The following IDH2 variants were observed in gnomAD, a reference collection of about 807,000 sequenced individuals.
The protein encoded by IDH2 is isocitrate dehydrogenase (NADP(+)) 2.
In IDH2, 18 loss-of-function variants were observed where a neutral mutation model predicts 50.5. That is an observed-to-expected ratio of 0.36 (90% CI 0.25 to 0.53). The LOEUF is 0.53. Ranked by LOEUF, IDH2 falls within the 20% of genes least tolerant of loss-of-function variation. The probability of loss-of-function intolerance (pLI) is 0.92; values close to 1 mark genes in which losing one functional copy is unlikely to be tolerated. For synonymous variants in IDH2, 280 were observed against 239.8 expected (o/e 1.17, Z -1.55); for missense variants, 518 against 610.7 (o/e 0.85, Z 1.60).
rs1040514070 is a variant in IDH2 at position 90,100,633 on chromosome 15, C to T, written c.115+1643G>A. On this transcript the variant is annotated intron_variant, in intron 1 of 10. Transcript: ENST00000330062. The surrounding 1 kb of genome is among the most constrained non-coding windows in gnomAD (Gnocchi z 4.1). Reference sequence around the variant, plus strand: ...TGGCGTTGCAAAATAGGAAAAGATGCGTGCAGGAATTACCAGGCAGCAAAG... The same window carrying T: ...TGGCGTTGCAAAATAGGAAAAGATGTGTGCAGGAATTACCAGGCAGCAAAG... 1.7e-5 allele frequency: 17 copies of T among 985,274 alleles called. No individual in the cohort carries two copies. The highest frequency in any genetic ancestry group is 1.8e-5 in the Non-Finnish European group (15 of 829,906). 61.0% of individuals were successfully genotyped at this position (985,274 alleles called of 1,614,324 possible).
In IDH2 at chr15:90,084,894, A is replaced by G. The variant is rs1900816377; in HGVS notation, c.1193T>C (p.Leu398Pro). The change falls in exon 10 of 11, where the codon CTG becomes CCG. Residue 398 changes from leucine to proline, a missense_variant. Leu to Pro is a moderately conservative substitution (Grantham distance 98). Coordinates refer to ENST00000330062, the MANE Select transcript of IDH2 (RefSeq NM_002168.4). This position sits in a 1 kb window ranked among gnomAD's most constrained non-coding sequence, Gnocchi z 5.0. The stretch of plus-strand genomic sequence containing the variant: ...CACCGTCTCCACGCACACCTTCTCC[A>G]GCATCTGGGCAAACCTATGGGGATG... ...NQDLIRFAQM[L>P]EKVCVETVES... 6.2e-7 allele frequency: 1 copy of G among 1,613,882 alleles called. No individual in the cohort carries two copies. The highest frequency in any genetic ancestry group is 1.3e-5 in the African/African-American group (1 of 74,866).
In IDH2 at chr15:90,085,021, A is replaced by G. The variant is rs1178803296; in HGVS notation, c.1158T>C (p.Asp386=). The G allele has an allele frequency of 6.2e-7, 1 of 1,613,972 alleles. No individual in the cohort carries two copies. Among genetic ancestry groups the G allele is most frequent in the African/African-American group, 1.3e-5 (1 of 75,000 alleles). The change falls in exon 9 of 11, where the codon GAT becomes GAC. Residue 386 remains aspartate, a synonymous_variant. Coordinates refer to ENST00000330062, the MANE Select transcript of IDH2 (RefSeq NM_002168.4). This position sits in a 1 kb window ranked among gnomAD's most constrained non-coding sequence, Gnocchi z 5.5. ...CTCACCTGATGAGGTCTTGGTTCCC[A>G]TCCAGCTTCCCCCGGTGCTCCAGGC... ...TRGLEHRGKL[D]GNQDLIRFAQ...
At chr15:90,090,340 G>C in intron 3 of IDH2, 139 bp downstream of exon 3, 1 of 904,742 alleles carries the variant, frequency 1.1e-6, no homozygotes, top group African/African-American at 1.6e-5. Context: ...TTGGCCTCAG[G>C]AAAGCCCCAG....
rs2151549281 is a variant in IDH2, at chr15:90,088,471, G to A, written c.566C>T (p.Ala189Val). 6.2e-7 allele frequency: 1 copy of A among 1,614,192 alleles called. No homozygotes were observed. Among genetic ancestry groups the A allele is most frequent in the South Asian group, 1.1e-5 (1 of 91,082 alleles). ...YKATDFVADR[A>V]GTFKMVFTPK... Reference sequence around the variant, plus strand: ...GGTGAAGACCATTTTGAAAGTGCCGGCCCGGTCTGCCACAAAGTCTGTGGC... The same window carrying A: ...GGTGAAGACCATTTTGAAAGTGCCGACCCGGTCTGCCACAAAGTCTGTGGC... The change falls in exon 5 of 11, where the codon GCC becomes GTC. Residue 189 changes from alanine (A) to valine (V), a missense_variant. Ala to Val is a moderately conservative substitution (Grantham distance 64). Transcript: ENST00000330062.
Position 90,102,463 on chromosome 15 carries a change from C to A in IDH2, c.-73G>T, listed in dbSNP as rs938161757. The A allele has an allele frequency of 6.5e-5, 56 of 856,856 alleles. No individual in the cohort carries two copies. Among genetic ancestry groups the A allele is most frequent in the Non-Finnish European group, 7.8e-5 (51 of 657,704 alleles). The allele number at this position is 856,856 out of a possible 1,614,324, so 53.1% of individuals were successfully genotyped here. On this transcript the variant is annotated 5_prime_UTR_variant, in exon 1 of 11. Coordinates refer to ENST00000330062, the MANE Select transcript of IDH2 (RefSeq NM_002168.4). ...GCCGCTCCTCCCGGCTGCCTGGCCGCGGGCTAACGCTGGGCCTGGCGGGCG... is the reference window on the plus strand; with the variant it reads ...GCCGCTCCTCCCGGCTGCCTGGCCGAGGGCTAACGCTGGGCCTGGCGGGCG...
chr15:90,093,792 G>C (rs1901111409), intron 1 of IDH2, among the ~76,000 whole-genome samples: 1 of 152,014 alleles, frequency 6.6e-6, no homozygotes, highest in African/African-American at 2.4e-5. Context: ...GCTAATTTTT[G>C]TATTTTTAGT....
At chr15:90,090,451 T>C (rs763923400) in intron 3 of IDH2, 28 bp downstream of exon 3, 1 of 1,610,648 alleles carries the variant, frequency 6.2e-7, no homozygotes, top group Non-Finnish European at 8.5e-7. Context: ...TGACCCTCCC[T>C]GGCCCGCCCA....
chr15:90,091,648 G>GA lies in IDH2; in HGVS notation c.116-5dup. 2 of 1,613,636 alleles carry GA rather than the reference G, an allele frequency of 1.2e-6. No homozygotes were observed. The highest frequency in any genetic ancestry group is 1.7e-5 in the Admixed American group (1 of 60,030). ...ACCTTGATCCTTTTGTCGGCATCTA[G>GA]AAGCAGGGACACACAGCGCATCATG... On this transcript the variant is annotated splice_polypyrimidine_tract_variant and splice_region_variant and intron_variant, in intron 1 of 10. Transcript: ENST00000330062.
chr15:90,087,033 C>A (rs562586040), intron 7 of IDH2, 79 bp downstream of exon 7: 17 of 1,522,848 alleles, frequency 1.1e-5, no homozygotes, highest in Middle Eastern at 4.1e-4. Context: ...GAGTTTTCTA[C>A]CAAAAGGGTC....
intron 3 of IDH2, among the ~76,000 whole-genome samples, chr15:90,088,964 G>A (rs367978424): frequency 6.8e-6 from 1 of 146,766 alleles, no homozygotes; most frequent in East Asian, 2.0e-4. Context: ...GCCCAGGCTG[G>A]AGTGCAATGG....
At chr15:90,086,893 T>C (rs1432345912) in intron 7 of IDH2, among the ~76,000 whole-genome samples, 1 of 152,160 alleles carries the variant, frequency 6.6e-6, no homozygotes, top group Non-Finnish European at 1.5e-5. Flanking sequence ...TGTGCCCTCC[T>C]TTCTCTCTAA....
In IDH2 at chr15:90,088,356, C is replaced by T; in HGVS notation, c.678+3G>A. 1.2e-6 allele frequency: 2 copies of T among 1,613,312 alleles called. No homozygotes were observed. Among genetic ancestry groups the T allele is most frequent in the Non-Finnish European group, 8.5e-7 (1 of 1,180,038 alleles). ...GGGCCCAGGATGCCCAAGCCAGCCT[C>T]ACCTCGTCGGTGTTGTACATGCCCA... On this transcript the variant is annotated splice_donor_region_variant and intron_variant, in intron 5 of 10. Transcript: ENST00000330062.
Position 90,085,124 on chromosome 15 carries a change from C to G in IDH2, c.1081-26G>C. 1.2e-6 allele frequency: 2 copies of G among 1,608,498 alleles called. No individual in the cohort carries two copies. Among genetic ancestry groups the G allele is most frequent in the South Asian group, 1.1e-5 (1 of 90,960 alleles). On this transcript the variant is annotated intron_variant, in intron 8 of 10. Coordinates refer to ENST00000330062, the MANE Select transcript of IDH2 (RefSeq NM_002168.4). This position sits in a 1 kb window ranked among gnomAD's most constrained non-coding sequence, Gnocchi z 5.5. ...CTGGGGACGGGGGTTGCAGGGAGAT[C>G]AAGAGCCGAGCCAGCTAGTGAGGAG...
rs375758522 is a variant in IDH2, at chr15:90,088,690, C to A, written c.431G>T (p.Gly144Val). ...GATGGGCTCCCGGAAGACAGTCCCCCCCAGGATGTTCCGGATAGTTCCATT... is the reference window on the plus strand; with the variant it reads ...GATGGGCTCCCGGAAGACAGTCCCCACCAGGATGTTCCGGATAGTTCCATT... Reference protein sequence around the residue: ...SPNGTIRNILGGTVFREPIIC... With the variant: ...SPNGTIRNILVGTVFREPIIC... The change falls in exon 4 of 11, where the codon GGG (glycine) becomes GTG (valine). Residue 144 changes from glycine (G) to valine (V), a missense_variant. By Grantham distance (109) the Gly-to-Val change is moderately radical (BLOSUM62 -3). Coordinates refer to ENST00000330062, the MANE Select transcript of IDH2 (RefSeq NM_002168.4). 1.9e-6 allele frequency: 3 copies of A among 1,614,094 alleles called. No homozygotes were observed. Among genetic ancestry groups the A allele is most frequent in the South Asian group, 2.2e-5 (2 of 91,078 alleles).
At chr15:90,086,305 A>G (rs73469821) in intron 7 of IDH2, among the ~76,000 whole-genome samples, 11,842 of 152,086 alleles carry the variant, frequency 0.078, 1,258 homozygotes, top group African/African-American at 0.25. Context: ...TGTTTCCCAC[A>G]CCTACCACCT....
chr15:90,084,666 G>A lies in IDH2; in HGVS notation c.1271+150C>T. ...GAACTCACTAGACCTGGTCTACAGA[G>A]GCTGGCCTGAGCAGTCTCTCAGGGC... is the stretch of plus-strand genomic sequence containing the variant. On this transcript the variant is annotated intron_variant, in intron 10 of 10. Transcript: ENST00000330062. The surrounding 1 kb of genome is among the most constrained non-coding windows in gnomAD (Gnocchi z 5.0). The A allele has an allele frequency of 2.7e-6, 2 of 744,998 alleles. No homozygotes were observed. The highest frequency in any genetic ancestry group is 4.8e-6 in the Non-Finnish European group (2 of 420,540). 46.1% of individuals were successfully genotyped at this position (744,998 alleles called of 1,614,324 possible).
At position 90,084,856 on chromosome 15, in the gene IDH2, T is replaced by G; in HGVS notation, c.1231A>C (p.Met411Leu). The change falls in exon 10 of 11, where the codon ATG becomes CTG. Residue 411 changes from methionine (M) to leucine (L), a missense_variant. This residue lies in a region of IDH2 where 135 missense variants were observed against 167.6 expected (regional missense o/e 0.81). Transcript: ENST00000330062. The surrounding 1 kb of genome is among the most constrained non-coding windows in gnomAD (Gnocchi z 5.0). Reference sequence around the variant, plus strand: ...ATGCAGCCCGCCAGGTCCTTGGTCATGGCTCCACTCTCCACCGTCTCCACG... The same window carrying G: ...ATGCAGCCCGCCAGGTCCTTGGTCAGGGCTCCACTCTCCACCGTCTCCACG... Reference protein sequence around the residue: ...VCVETVESGAMTKDLAGCIHG... With the variant: ...VCVETVESGALTKDLAGCIHG... The G allele has an allele frequency of 6.2e-7, 1 of 1,614,054 alleles. No homozygotes were observed. Among genetic ancestry groups the G allele is most frequent in the Non-Finnish European group, 8.5e-7 (1 of 1,180,000 alleles).
Position 90,084,589 on chromosome 15 carries a change from G to A in IDH2, c.1271+227C>T, listed in dbSNP as rs1007872814. 6.6e-6 allele frequency among the ~76,000 whole-genome samples: 1 copy of A among 152,184 alleles called. No individual in the cohort carries two copies. The highest frequency in any genetic ancestry group is 2.4e-5 in the African/African-American group (1 of 41,446). ...TCTCCTGAGAGAAGCTGGGAAAGGG[G>A]TGTGGGCAGGGTCGGAAGGAGCTCT... On this transcript the variant is annotated intron_variant, in intron 10 of 10. Transcript: ENST00000330062. This position sits in a 1 kb window ranked among gnomAD's most constrained non-coding sequence, Gnocchi z 5.0.
intron 1 of IDH2, among the ~76,000 whole-genome samples, chr15:90,092,708 C>T (rs779555706): frequency 6.6e-5 from 10 of 152,072 alleles, no homozygotes; most frequent in Non-Finnish European, 7.4e-5. Flanking sequence ...TCCCAAGTAG[C>T]GGGGATTTCA....
Sources: allele counts gnomAD v4.1 joint callset (sites outside exome capture counted in the v4.1 genomes callset), GRCh38; gene constraint gnomAD v4.1.1; regional missense constraint gnomAD v4.1.1; non-coding constraint Gnocchi (gnomAD v3.1); transcripts MANE v1.5; gene names NCBI Gene and HGNC (gene_info 2026-07-23, HGNC 2026-07-21).